TENM2: variants seen among roughly 807,000 people sequenced by gnomAD.
TENM2 encodes teneurin transmembrane protein 2, also known as teneurin-2.
A neutral mutation model predicts 245.2 loss-of-function variants in TENM2; 52 were observed. The observed-to-expected ratio is 0.21, with a 90% CI of 0.17 to 0.27. The LOEUF (loss-of-function observed/expected upper bound fraction) is 0.27. Among genes scored for constraint, TENM2 ranks in the 10% least tolerant of loss-of-function variants. TENM2 has a pLI of 1.00. For missense variants in TENM2, 3,046 were observed against 3,666.8 expected, an observed-to-expected ratio of 0.83 and a Z score of 4.37; for synonymous variants, 1,363 against 1,438.9, an observed-to-expected ratio of 0.95 and a Z score of 1.19.
chr5:167,854,154 T>C (rs1419389331), intron 2 of TENM2, among the ~76,000 whole-genome samples: 2 of 152,232 alleles, frequency 1.3e-5, no homozygotes, highest in African/African-American at 2.4e-5. Context: ...GCTGTATTAA[T>C]ATTTCAGCAA....
intron 2 of TENM2, among the ~76,000 whole-genome samples, chr5:167,859,965 T>G (rs1221149241): frequency 2.1e-4 from 4 of 19,448 alleles, no homozygotes; most frequent in Admixed American, 4.7e-4. Context: ...GGTGGGGGGG[T>G]CGGCCCCCCG....
At chr5:167,364,731 A>G (rs910472405) in intron 1 of TENM2, among the ~76,000 whole-genome samples, 1 of 152,090 alleles carries the variant, frequency 6.6e-6, no homozygotes, top group South Asian at 2.1e-4. Context: ...GAGCATTTCA[A>G]ATTGATAAAA....
intron 4 of TENM2, among the ~76,000 whole-genome samples, chr5:167,979,624 T>C (rs1316146199): frequency 5.3e-5 from 8 of 152,128 alleles, no homozygotes; most frequent in Admixed American, 3.9e-4. Flanking sequence ...CAAAAATGCA[T>C]TATCCCACGA....
intron 2 of TENM2, among the ~76,000 whole-genome samples, chr5:167,430,087 C>T (rs950301950): frequency 1.3e-5 from 2 of 152,040 alleles, no homozygotes; most frequent in Admixed American, 6.6e-5. Flanking sequence ...GGGGCAAAAT[C>T]ATCTAAGGCT....
At chr5:167,863,431 A>C (rs546697515) in intron 2 of TENM2, among the ~76,000 whole-genome samples, 172 of 151,410 alleles carry the variant, frequency 1.1e-3, no homozygotes, top group African/African-American at 4.0e-3. Flanking sequence ...TCTGGCCAAC[A>C]TGGTGAAATC....
At chr5:167,528,998 C>A (rs1156692573) in intron 2 of TENM2, among the ~76,000 whole-genome samples, 1 of 152,034 alleles carries the variant, frequency 6.6e-6, no homozygotes, top group Non-Finnish European at 1.5e-5. Context: ...AAAGATTAAG[C>A]AAAATAGAAA....
chr5:167,101,943 T>A, the TENM2 span, among the ~76,000 whole-genome samples: 3,150 of 136,452 alleles, frequency 0.023, 160 homozygotes, highest in African/African-American at 0.081. Context: ...TATATATTTT[T>A]TTTTTTTTTT....
At chr5:168,111,906 T>C (rs190520482) in intron 9 of TENM2, among the ~76,000 whole-genome samples, 3 of 152,374 alleles carry the variant, frequency 2.0e-5, no homozygotes, top group African/African-American at 7.2e-5. Flanking sequence ...TGATATGTGC[T>C]TTGCCTAGGT....
chr5:167,229,170 G>C, the TENM2 span, among the ~76,000 whole-genome samples: 1,493 of 152,314 alleles, frequency 9.8e-3, 25 homozygotes, highest in African/African-American at 0.034. Flanking sequence ...CCGTGATTTT[G>C]TTGGTGACTT....
chr5:167,383,760 A>C (rs552877165), intron 2 of TENM2, among the ~76,000 whole-genome samples: 3 of 151,682 alleles, frequency 2.0e-5, no homozygotes, highest in Non-Finnish European at 4.4e-5. Flanking sequence ...ACTTCCGTAT[A>C]AATGTACCTT....
intron 9 of TENM2, among the ~76,000 whole-genome samples, chr5:168,108,575 A>G (rs1170705715): frequency 6.6e-6 from 1 of 152,212 alleles, no homozygotes; most frequent in East Asian, 1.9e-4. Context: ...CATTGTTATT[A>G]TTCCTATTTT....
At chr5:167,666,703 A>C (rs1282584440) in intron 2 of TENM2, among the ~76,000 whole-genome samples, 1 of 152,198 alleles carries the variant, frequency 6.6e-6, no homozygotes, top group South Asian at 2.1e-4. Context: ...CTTTTCACAA[A>C]TGGTCTGAAA....
chr5:167,118,170 A>G, the TENM2 span, among the ~76,000 whole-genome samples: 1 of 152,338 alleles, frequency 6.6e-6, no homozygotes, highest in African/African-American at 2.4e-5. Context: ...TTGATATTCT[A>G]TACATTTTAT....
At chr5:167,610,209 G>A (rs968007394) in intron 2 of TENM2, among the ~76,000 whole-genome samples, 8 of 152,024 alleles carry the variant, frequency 5.3e-5, no homozygotes, top group African/African-American at 1.9e-4. Flanking sequence ...GGAGGAAAGG[G>A]GTGTGGAGCT....
intron 23 of TENM2, among the ~76,000 whole-genome samples, chr5:168,220,936 A>C (rs1763615583): frequency 6.6e-6 from 1 of 151,826 alleles, no homozygotes; most frequent in Non-Finnish European, 1.5e-5. Context: ...ACATGGAAAA[A>C]CCTCATCTCT....
intron 12 of TENM2, among the ~76,000 whole-genome samples, chr5:168,154,444 C>T (rs1041226966): frequency 2.0e-5 from 3 of 152,104 alleles, no homozygotes; most frequent in Admixed American, 1.3e-4. Flanking sequence ...AGGTTGGTCT[C>T]GAACTCCTGA....
intron 4 of TENM2, among the ~76,000 whole-genome samples, chr5:167,961,270 T>C (rs780282316): frequency 6.6e-6 from 1 of 152,248 alleles, no homozygotes; most frequent in Non-Finnish European, 1.5e-5. Flanking sequence ...ACTTCTGCCC[T>C]GATATGGTAA....
At chr5:167,108,282 C>G in the TENM2 span, among the ~76,000 whole-genome samples, 3 of 152,008 alleles carry the variant, frequency 2.0e-5, no homozygotes, top group Non-Finnish European at 2.9e-5. Flanking sequence ...CGGGCCACCA[C>G]GTCCAGCTAG....
intron 2 of TENM2, among the ~76,000 whole-genome samples, chr5:167,388,213 G>T (rs543986353): frequency 6.6e-6 from 1 of 152,032 alleles, no homozygotes; most frequent in African/African-American, 2.4e-5. Context: ...GTCTGTTCAG[G>T]GTATCTAATT....
Sources: allele counts gnomAD v4.1 joint callset (sites outside exome capture counted in the v4.1 genomes callset), GRCh38; gene constraint gnomAD v4.1.1; transcripts MANE v1.5; gene names NCBI Gene and HGNC (gene_info 2026-07-23, HGNC 2026-07-21).